The following PRKCB variants were observed in gnomAD, a reference collection of about 807,000 sequenced individuals.
The protein encoded by PRKCB is protein kinase C beta.
PRKCB carries 13 observed loss-of-function variants against 81.5 expected under a neutral mutation model. The observed-to-expected ratio is 0.16, with a 90% confidence interval of 0.10 to 0.25. The LOEUF is 0.25. PRKCB is among the 10% of genes least tolerant of loss of function. PRKCB has a pLI of 1.00. For missense variants in PRKCB, 509 were observed against 875.7 expected, an observed-to-expected ratio of 0.58 and a Z score of 5.29; for synonymous variants, 335 against 321.4, an observed-to-expected ratio of 1.04 and a Z score of -0.45.
intron 5 of PRKCB, among the ~76,000 whole-genome samples, chr16:24,092,315 CA>C (rs1225001701): frequency 1.3e-5 from 2 of 152,178 alleles, no homozygotes; most frequent in African/African-American, 4.8e-5. Context: ...ATGTTCATAG[CA>C]GCAGTATTCA....
At chr16:24,159,714 C>A (rs1405150626) in intron 10 of PRKCB, among the ~76,000 whole-genome samples, 2 of 152,132 alleles carry the variant, frequency 1.3e-5, no homozygotes, top group Non-Finnish European at 2.9e-5. Flanking sequence ...CACTTTACAG[C>A]CAGGCACAGT....
intron 2 of PRKCB, among the ~76,000 whole-genome samples, chr16:23,973,112 A>G (rs1596493051): frequency 6.6e-6 from 1 of 152,214 alleles, no homozygotes; most frequent in South Asian, 2.1e-4. Flanking sequence ...TACAGTGAGC[A>G]TGTTAAACCT....
chr16:24,180,603 G>A (rs7189349), intron 12 of PRKCB, among the ~76,000 whole-genome samples, 187 bp from the exon 13 acceptor site: 3 of 152,050 alleles, frequency 2.0e-5, no homozygotes, highest in Non-Finnish European at 4.4e-5. Context: ...AGAAAAGCAC[G>A]GAGGCTTGCG....
At chr16:23,951,888 G>GTCT (rs1422782577) in intron 2 of PRKCB, among the ~76,000 whole-genome samples, 1 of 152,138 alleles carries the variant, frequency 6.6e-6, no homozygotes, top group Non-Finnish European at 1.5e-5. Flanking sequence ...AAATGTGTCA[G>GTCT]TCTTCTAAAT....
intron 9 of PRKCB, among the ~76,000 whole-genome samples, chr16:24,132,673 G>C (rs556253191): frequency 2.6e-5 from 4 of 152,116 alleles, no homozygotes; most frequent in South Asian, 4.1e-4. Context: ...CAGATGAGGA[G>C]AGTGAGATGC....
intron 2 of PRKCB, among the ~76,000 whole-genome samples, chr16:23,935,121 T>C (rs1481953106): frequency 1.4e-4 from 22 of 152,148 alleles, no homozygotes; most frequent in Admixed American, 1.4e-3. Context: ...CCCTCAGGCA[T>C]GCCAACTCAG....
intron 2 of PRKCB, among the ~76,000 whole-genome samples, chr16:23,848,931 G>A (rs1484048421): frequency 6.6e-6 from 1 of 152,130 alleles, no homozygotes; most frequent in Non-Finnish European, 1.5e-5. Context: ...AATCCTGTTG[G>A]GGAGGCAAGA....
rs1414073818 is a variant in PRKCB at position 23,988,674 on chromosome 16, G to GT, written c.288+85dup. ...AATGTGAGTGAGCATTCTTAGACGA[G>GT]TAAGTGTGGACGATCTCACTCTAAG... On this transcript the variant is annotated intron_variant, in intron 3 of 16. Transcript: ENST00000643927. The GT allele has an allele frequency of 9.5e-6, 12 of 1,258,020 alleles. 1 individual carries two copies. In the Admixed American group the frequency reaches 2.1e-4, roughly 22 times the overall value. 77.9% of individuals were successfully genotyped at this position (1,258,020 alleles called of 1,614,324 possible).
chr16:24,059,646 G>A (rs1965947117), intron 5 of PRKCB, among the ~76,000 whole-genome samples: 1 of 152,106 alleles, frequency 6.6e-6, no homozygotes. Flanking sequence ...CAGCCTGAGT[G>A]ACAGAGTGAC....
intron 2 of PRKCB, among the ~76,000 whole-genome samples, chr16:23,939,069 T>C (rs77953093): frequency 0.047 from 7,089 of 152,240 alleles, 537 homozygotes; most frequent in African/African-American, 0.16. Context: ...CAAAAAACAA[T>C]TGTATTTCTA....
rs141716076 is a variant in PRKCB at position 24,140,778 on chromosome 16, G to A, written c.1066-13906G>A. On this transcript the variant is annotated intron_variant, in intron 9 of 16. Transcript: ENST00000643927. ...AAGTCTTGTGACTTCTGGAATAATG[G>A]CTAGTAATCCTTTATGTCTACACCT... 3.7e-3 allele frequency among the ~76,000 whole-genome samples: 571 copies of A among 152,288 alleles called. 3 individuals carry two copies. The highest frequency in any genetic ancestry group is 0.01 in the Middle Eastern group (3 of 294).
At chr16:24,153,839 G>A (rs1967113560) in intron 9 of PRKCB, among the ~76,000 whole-genome samples, 2 of 152,214 alleles carry the variant, frequency 1.3e-5, no homozygotes, top group African/African-American at 4.8e-5. Flanking sequence ...CCTCTCTGGA[G>A]TTAAGGGTCA....
chr16:23,983,904 A>G (rs1964769985), intron 2 of PRKCB, among the ~76,000 whole-genome samples: 1 of 152,042 alleles, frequency 6.6e-6, no homozygotes, highest in African/African-American at 2.4e-5. Flanking sequence ...TTTGTAGAGA[A>G]TAACTGATAT....
intron 5 of PRKCB, among the ~76,000 whole-genome samples, chr16:24,067,960 GA>G (rs368872997): frequency 0.014 from 2,050 of 142,482 alleles, 51 homozygotes; most frequent in African/African-American, 0.049. Context: ...AAAAAAAAAA[GA>G]GAGAGAGAGA....
At chr16:23,907,228 C>T (rs1309756141) in intron 2 of PRKCB, among the ~76,000 whole-genome samples, 1 of 152,216 alleles carries the variant, frequency 6.6e-6, no homozygotes, top group Non-Finnish European at 1.5e-5. Context: ...GTGGCAAAAT[C>T]ATCTTCAGTT....
At chr16:24,065,060 A>AAT (rs1335668346) in intron 5 of PRKCB, among the ~76,000 whole-genome samples, 7 of 147,736 alleles carry the variant, frequency 4.7e-5, no homozygotes, top group African/African-American at 1.2e-4. Context: ...AAATAATATA[A>AAT]ATATATATAT....
chr16:24,015,312 T>C (rs190938787), intron 3 of PRKCB, among the ~76,000 whole-genome samples: 1 of 152,326 alleles, frequency 6.6e-6, no homozygotes, highest in African/African-American at 2.4e-5. Flanking sequence ...CTCAAGTAGC[T>C]TGCTCGAGGC....
chr16:24,055,006 C>T (rs1386435835), intron 5 of PRKCB, among the ~76,000 whole-genome samples: 4 of 152,182 alleles, frequency 2.6e-5, no homozygotes, highest in East Asian at 3.8e-4. Context: ...GCCACAAACC[C>T]GATGGCAGCC....
chr16:23,892,473 G>A (rs1022256773), intron 2 of PRKCB, among the ~76,000 whole-genome samples: 2 of 152,202 alleles, frequency 1.3e-5, no homozygotes, highest in Non-Finnish European at 2.9e-5. Flanking sequence ...CTTAAGGGAT[G>A]AGCCTGCTAT....
Sources: gnomAD v4.1 joint callset for allele counts (sites outside exome capture counted in the v4.1 genomes callset) on GRCh38, gnomAD v4.1.1 for gene constraint, MANE v1.5 for transcripts, NCBI Gene and HGNC (gene_info 2026-07-23, HGNC 2026-07-21) for gene names.